TTC27: variants seen among roughly 807,000 people sequenced by gnomAD.
The protein encoded by TTC27 is tetratricopeptide repeat protein 27.
A neutral mutation model predicts 115.9 loss-of-function variants in TTC27; 79 were observed. The ratio of observed to expected loss-of-function variants is 0.68; its 90% confidence interval spans 0.57 to 0.82. The LOEUF (loss-of-function observed/expected upper bound fraction) is 0.82. Among genes scored for constraint, TTC27 ranks in the 40% least tolerant of loss-of-function variants. The probability of loss-of-function intolerance (pLI) is 0.00; values close to 1 mark genes in which losing one functional copy is unlikely to be tolerated. For missense variants in TTC27, 1,054 were observed against 993.1 expected, an observed-to-expected ratio of 1.06 and a Z score of -0.82; for synonymous variants, 401 against 356.0, an observed-to-expected ratio of 1.13 and a Z score of -1.42.
At chr2:32,685,047 A>G (rs1208576693) in intron 9 of TTC27, among the ~76,000 whole-genome samples, 2 of 56,730 alleles carry the variant, frequency 3.5e-5, no homozygotes, top group African/African-American at 1.3e-4. Flanking sequence ...TAATTTTATT[A>G]TTAGATGGAG....
intron 16 of TTC27, among the ~76,000 whole-genome samples, chr2:32,800,247 G>C (rs1299172462): frequency 6.6e-6 from 1 of 152,200 alleles, no homozygotes; most frequent in Non-Finnish European, 1.5e-5. Flanking sequence ...GAGTGCAATG[G>C]CATGATCTCA....
chr2:32,801,465 T>C (rs1670932516), intron 16 of TTC27, among the ~76,000 whole-genome samples: 1 of 152,168 alleles, frequency 6.6e-6, no homozygotes, highest in South Asian at 2.1e-4. Flanking sequence ...TCCCTTCTTC[T>C]GAGGAAGAAG....
intron 10 of TTC27, among the ~76,000 whole-genome samples, chr2:32,729,723 G>GT (rs139809463): frequency 0.024 from 3,597 of 151,898 alleles, 140 homozygotes; most frequent in African/African-American, 0.083. Context: ...TACCTTTTAC[G>GT]TTTATTCACA....
intron 12 of TTC27, among the ~76,000 whole-genome samples, chr2:32,743,062 A>G (rs563040987): frequency 5.3e-4 from 80 of 152,158 alleles, no homozygotes; most frequent in Admixed American, 3.7e-3. Flanking sequence ...TACTCTTCAT[A>G]GTTGGTGCCA....
At chr2:32,803,343 TC>T (rs1460597196) in intron 16 of TTC27, among the ~76,000 whole-genome samples, 3 of 152,224 alleles carry the variant, frequency 2.0e-5, no homozygotes, top group Non-Finnish European at 4.4e-5. Flanking sequence ...GCACATATGG[TC>T]CCTGCCTTGC....
At chr2:32,800,718 T>G (rs1280933215) in intron 16 of TTC27, among the ~76,000 whole-genome samples, 1 of 151,862 alleles carries the variant, frequency 6.6e-6, no homozygotes, top group African/African-American at 2.4e-5. Context: ...CAGGATGATC[T>G]CAAACTCCTG....
chr2:32,698,534 C>T (rs899460979), intron 9 of TTC27, among the ~76,000 whole-genome samples: 5 of 145,708 alleles, frequency 3.4e-5, no homozygotes, highest in African/African-American at 1.3e-4. Context: ...GCCTGGAGTG[C>T]AGTGGCGCGA....
At chr2:32,655,073 C>T (rs1284404710) in intron 5 of TTC27, among the ~76,000 whole-genome samples, 1 of 151,796 alleles carries the variant, frequency 6.6e-6, no homozygotes, top group African/African-American at 2.4e-5. Flanking sequence ...AACTCAACCT[C>T]TGCCTCCTGC....
At chr2:32,672,008 G>A (rs1031784498) in intron 7 of TTC27, among the ~76,000 whole-genome samples, 5 of 152,164 alleles carry the variant, frequency 3.3e-5, no homozygotes, top group African/African-American at 7.2e-5. Context: ...CTGCAGAGGG[G>A]CTTTTGCATA....
At position 32,639,083 on chromosome 2, in the gene TTC27, T is replaced by C. The variant is rs559267297; in HGVS notation, c.397-1187T>C. 1.5e-4 allele frequency among the ~76,000 whole-genome samples: 23 copies of C among 152,184 alleles called. No individual in the cohort carries two copies. The East Asian group carries it at 1.5e-3, about 10-fold the overall frequency. On this transcript the variant is annotated intron_variant, in intron 3 of 19. Transcript: ENST00000317907. ...TCCTGACCTCGTGATCCGCCCGCCT[T>C]GGCCTCCCAAAGTGCTGGGATTACA...
chr2:32,645,940 G>A (rs1355581336), intron 4 of TTC27, among the ~76,000 whole-genome samples: 3 of 151,726 alleles, frequency 2.0e-5, no homozygotes, highest in East Asian at 1.9e-4. Context: ...GGCTGGTCTC[G>A]AACTCCTGAC....
chr2:32,649,028 A>T (rs1664978029), intron 4 of TTC27, among the ~76,000 whole-genome samples: 1 of 152,134 alleles, frequency 6.6e-6, no homozygotes, highest in African/African-American at 2.4e-5. Context: ...ATAAAATAAA[A>T]AATAAAAAAA....
At chr2:32,724,633 C>T (rs571964667) in intron 10 of TTC27, among the ~76,000 whole-genome samples, 166 of 152,266 alleles carry the variant, frequency 1.1e-3, no homozygotes, top group African/African-American at 3.6e-3. Flanking sequence ...GTGCCACTTG[C>T]TAAAGTACAA....
At chr2:32,719,378 A>G (rs189442466) in intron 10 of TTC27, among the ~76,000 whole-genome samples, 156 of 152,274 alleles carry the variant, frequency 1.0e-3, no homozygotes, top group Middle Eastern at 3.4e-3. Context: ...AGATGCAACA[A>G]CCCAGATAAC....
intron 5 of TTC27, among the ~76,000 whole-genome samples, chr2:32,654,736 C>T (rs1431597776): frequency 6.6e-6 from 1 of 150,746 alleles, no homozygotes; most frequent in Non-Finnish European, 1.5e-5. Context: ...CGCTCTGTTG[C>T]CCAGGCTGGA....
At chr2:32,740,128 G>C (rs1266619259) in intron 12 of TTC27, among the ~76,000 whole-genome samples, 1 of 152,112 alleles carries the variant, frequency 6.6e-6, no homozygotes, top group Non-Finnish European at 1.5e-5. Context: ...GTATTTAAAG[G>C]TTATCCGACC....
At chr2:32,792,606 A>T (rs1670573179) in intron 16 of TTC27, among the ~76,000 whole-genome samples, 1 of 152,118 alleles carries the variant, frequency 6.6e-6, no homozygotes, top group African/African-American at 2.4e-5. Context: ...GAAACAGAAC[A>T]AGTACTTAGA....
chr2:32,673,401 A>G (rs1013205525), intron 8 of TTC27, among the ~76,000 whole-genome samples: 2 of 151,370 alleles, frequency 1.3e-5, no homozygotes, highest in African/African-American at 4.9e-5. Flanking sequence ...ATTTTTTTGT[A>G]TTTTTAGTAG....
chr2:32,808,256 T>C (rs375761548), intron 16 of TTC27, among the ~76,000 whole-genome samples: 1 of 152,156 alleles, frequency 6.6e-6, no homozygotes, highest in Non-Finnish European at 1.5e-5. Context: ...TTCTTAAATG[T>C]TGTGTTCTTT....
Sources: allele counts gnomAD v4.1 joint callset (sites outside exome capture counted in the v4.1 genomes callset), GRCh38; gene constraint gnomAD v4.1.1; transcripts MANE v1.5; gene names NCBI Gene and HGNC (gene_info 2026-07-23, HGNC 2026-07-21).